The following GRID1 variants were observed in gnomAD, a reference collection of about 807,000 sequenced individuals.
GRID1 encodes the protein glutamate receptor ionotropic, delta-1.
A neutral mutation model predicts 98.0 loss-of-function variants in GRID1; 28 were observed. That is an observed-to-expected ratio of 0.29 (90% CI 0.21 to 0.39). The LOEUF (loss-of-function observed/expected upper bound fraction) is 0.39, where lower values mean the gene tolerates loss of function less well. Ranked by LOEUF, GRID1 falls within the 10% of genes least tolerant of loss-of-function variation. GRID1 has a pLI of 1.00. For missense variants in GRID1, 1,111 were observed against 1,340.5 expected (o/e 0.83, Z 2.67); for synonymous variants, 553 against 538.5 (o/e 1.03, Z -0.37).
At chr10:85,831,950 C>G (rs1842870829) in intron 8 of GRID1, among the ~76,000 whole-genome samples, 3 of 151,324 alleles carry the variant, frequency 2.0e-5, no homozygotes, top group South Asian at 2.1e-4. Context: ...TAAATAAGAA[C>G]AAAGATTAAT....
At chr10:86,271,911 T>C (rs1259913571) in intron 2 of GRID1, among the ~76,000 whole-genome samples, 2 of 152,036 alleles carry the variant, frequency 1.3e-5, no homozygotes, top group African/African-American at 4.8e-5. Flanking sequence ...AAACCATAAA[T>C]GCACAGATGC....
intron 3 of GRID1, among the ~76,000 whole-genome samples, chr10:86,187,261 T>C: frequency 6.6e-6 from 1 of 152,206 alleles, no homozygotes; most frequent in East Asian, 1.9e-4. Flanking sequence ...ATCAAGCATC[T>C]GATAAGCACT....
At chr10:85,740,338 G>A (rs550183095) in intron 8 of GRID1, among the ~76,000 whole-genome samples, 3 of 152,244 alleles carry the variant, frequency 2.0e-5, no homozygotes, top group African/African-American at 7.2e-5. Context: ...CTCCTCTTAA[G>A]TCTCTATTAT....
chr10:85,891,409 A>G (rs1343080331), intron 5 of GRID1, among the ~76,000 whole-genome samples: 1 of 152,170 alleles, frequency 6.6e-6, no homozygotes, highest in Non-Finnish European at 1.5e-5. Flanking sequence ...ACCCAAGTGT[A>G]AAGATAAAAA....
chr10:85,993,579 T>C (rs1257004168), intron 4 of GRID1, among the ~76,000 whole-genome samples: 2 of 152,148 alleles, frequency 1.3e-5, no homozygotes, highest in Admixed American at 1.3e-4. Context: ...CTACTGCTCC[T>C]ACTCTATACA....
chr10:85,781,774 C>A (rs1375052683), intron 8 of GRID1, among the ~76,000 whole-genome samples: 2 of 149,464 alleles, frequency 1.3e-5, no homozygotes, highest in African/African-American at 4.9e-5. Context: ...CTTCAATTTC[C>A]AATGAAGAAA....
At chr10:85,725,607 T>C (rs1032039620) in intron 10 of GRID1, among the ~76,000 whole-genome samples, 3 of 152,136 alleles carry the variant, frequency 2.0e-5, no homozygotes, top group Admixed American at 2.0e-4. Flanking sequence ...TGAAAGGCAG[T>C]CATCATAATG....
At chr10:86,149,295 C>T (rs1056403207) in intron 3 of GRID1, among the ~76,000 whole-genome samples, 1 of 152,192 alleles carries the variant, frequency 6.6e-6, no homozygotes, top group Non-Finnish European at 1.5e-5. Flanking sequence ...CTGATAGTAC[C>T]CAGGAGCCTT....
chr10:85,928,988 T>C (rs1841813093), intron 4 of GRID1, among the ~76,000 whole-genome samples: 1 of 152,214 alleles, frequency 6.6e-6, no homozygotes, highest in South Asian at 2.1e-4. Context: ...TTTAAACTCC[T>C]TGGATTTCAC....
At chr10:85,677,994 G>A (rs1841164573) in intron 12 of GRID1, among the ~76,000 whole-genome samples, 1 of 152,036 alleles carries the variant, frequency 6.6e-6, no homozygotes, top group African/African-American at 2.4e-5. Flanking sequence ...GATTTAACTG[G>A]CACATGTACA....
chr10:86,155,648 G>A (rs1163293458), intron 3 of GRID1, among the ~76,000 whole-genome samples: 6 of 152,198 alleles, frequency 3.9e-5, no homozygotes, highest in Non-Finnish European at 8.8e-5. Context: ...GGTGTCAGAA[G>A]CTCTGGAGGA....
chr10:85,968,138 T>C (rs1156805594), intron 4 of GRID1, among the ~76,000 whole-genome samples: 1 of 152,198 alleles, frequency 6.6e-6, no homozygotes, highest in Admixed American at 6.5e-5. Flanking sequence ...TTTGTAACTC[T>C]GTCCTCCTAT....
At chr10:85,696,481 G>A (rs1841395098) in intron 12 of GRID1, among the ~76,000 whole-genome samples, 1 of 152,018 alleles carries the variant, frequency 6.6e-6, no homozygotes, top group African/African-American at 2.4e-5. Context: ...TGATGTTCAA[G>A]GAGCATACAG....
chr10:85,630,987 G>C (rs986681948), intron 13 of GRID1, among the ~76,000 whole-genome samples: 15 of 152,170 alleles, frequency 9.9e-5, no homozygotes, highest in African/African-American at 3.6e-4. Flanking sequence ...AGAGTTGAGA[G>C]ACCAAGGCTA....
chr10:85,906,346 AG>A (rs1564623438), intron 5 of GRID1, among the ~76,000 whole-genome samples: 3 of 152,168 alleles, frequency 2.0e-5, no homozygotes, highest in Admixed American at 2.0e-4. Context: ...TGATAGAAAA[AG>A]TAGACCAAAT....
At chr10:85,647,018 G>T (rs112358471) in intron 13 of GRID1, 184 bp downstream of exon 13, 11 of 639,444 alleles carry the variant, frequency 1.7e-5, no homozygotes, top group African/African-American at 1.6e-4. Flanking sequence ...AAGTTGGAAG[G>T]TCCATAAGAA....
chr10:85,864,487 A>G (rs1843196148), intron 6 of GRID1, among the ~76,000 whole-genome samples: 1 of 152,232 alleles, frequency 6.6e-6, no homozygotes, highest in Non-Finnish European at 1.5e-5. Flanking sequence ...AGCCAAGGAG[A>G]ACACTTGCGC....
intron 8 of GRID1, among the ~76,000 whole-genome samples, chr10:85,795,001 A>G (rs1022350323): frequency 1.3e-5 from 2 of 152,204 alleles, no homozygotes; most frequent in Non-Finnish European, 2.9e-5. Flanking sequence ...AAATATTTAT[A>G]AAGACACAGA....
chr10:86,059,433 C>T (rs187510571), intron 4 of GRID1, among the ~76,000 whole-genome samples: 80 of 152,342 alleles, frequency 5.3e-4, no homozygotes, highest in African/African-American at 1.6e-3. Context: ...CTTAGATTTG[C>T]GCATTCATTC....
Sources: allele counts gnomAD v4.1 joint callset (sites outside exome capture counted in the v4.1 genomes callset), GRCh38; gene constraint gnomAD v4.1.1; transcripts MANE v1.5; gene names NCBI Gene and HGNC (gene_info 2026-07-23, HGNC 2026-07-21).